NTM: variants seen among roughly 807,000 people sequenced by gnomAD.
The protein encoded by NTM is neurotrimin, also known as IgLON family member 2.
A neutral mutation model predicts 42.1 loss-of-function variants in NTM; 13 were observed. That is an observed-to-expected ratio of 0.31 (90% confidence interval 0.20 to 0.49). NTM has a LOEUF of 0.49. NTM is among the 20% of genes least tolerant of loss of function. The pLI is 0.99. For synonymous variants in NTM, 187 were observed against 179.2 expected (o/e 1.04, Z -0.35); for missense variants, 373 against 452.8 (o/e 0.82, Z 1.60).
chr11:131,831,817 G>A (rs978778669), intron 1 of NTM, among the ~76,000 whole-genome samples: 3 of 151,694 alleles, frequency 2.0e-5, no homozygotes, highest in Non-Finnish European at 2.9e-5. Context: ...TCTTTGACTA[G>A]GCCAGTGTTC....
chr11:132,017,197 A>G (rs571545191), intron 2 of NTM, among the ~76,000 whole-genome samples: 2 of 152,010 alleles, frequency 1.3e-5, no homozygotes, highest in African/African-American at 2.4e-5. Flanking sequence ...TTACTTTGAT[A>G]TCTAATAATT....
chr11:131,530,500 G>T (rs2136663131), intron 1 of NTM, among the ~76,000 whole-genome samples: 1 of 151,858 alleles, frequency 6.6e-6, no homozygotes, highest in Non-Finnish European at 1.5e-5. Flanking sequence ...AAAGGAGGGT[G>T]GGAAAAAGGA....
chr11:132,197,345 T>G (rs773861481), intron 3 of NTM, among the ~76,000 whole-genome samples: 7 of 152,172 alleles, frequency 4.6e-5, no homozygotes, highest in Non-Finnish European at 1.0e-4. Context: ...ATTCTATTAA[T>G]AGTTGGATTG....
chr11:132,255,212 C>G (rs1050720462), intron 4 of NTM, among the ~76,000 whole-genome samples: 13 of 152,192 alleles, frequency 8.5e-5, no homozygotes, highest in Admixed American at 2.6e-4. Context: ...TGAGTCTGAT[C>G]TCTTTCTACT....
At chr11:131,440,481 C>G (rs1279807087) in intron 1 of NTM, among the ~76,000 whole-genome samples, 2 of 151,992 alleles carry the variant, frequency 1.3e-5, no homozygotes, top group Non-Finnish European at 2.9e-5. Flanking sequence ...GCTTTATTAC[C>G]AAGTGGTTCT....
At chr11:131,459,453 T>A (rs935846663) in intron 1 of NTM, among the ~76,000 whole-genome samples, 1 of 152,208 alleles carries the variant, frequency 6.6e-6, no homozygotes, top group African/African-American at 2.4e-5. Flanking sequence ...TTATTATGAA[T>A]GTTCAGAATT....
chr11:132,283,420 C>A (rs1162182134), intron 4 of NTM, among the ~76,000 whole-genome samples: 1 of 152,110 alleles, frequency 6.6e-6, no homozygotes, highest in Non-Finnish European at 1.5e-5. Flanking sequence ...TAATTAGCAC[C>A]ACCTCTTGGA....
chr11:131,698,145 C>G (rs1258717994), intron 1 of NTM, among the ~76,000 whole-genome samples: 2 of 152,104 alleles, frequency 1.3e-5, no homozygotes, highest in Non-Finnish European at 1.5e-5. Context: ...TCTAATTCAA[C>G]TTTTAGAGGC....
intron 3 of NTM, among the ~76,000 whole-genome samples, chr11:132,203,485 C>T (rs1237105082): frequency 4.6e-5 from 7 of 152,158 alleles, no homozygotes; most frequent in Admixed American, 6.5e-5. Flanking sequence ...CTTAAAACCT[C>T]GGCTTCTGAT....
At chr11:132,254,597 A>C (rs2092311156) in intron 4 of NTM, among the ~76,000 whole-genome samples, 1 of 149,454 alleles carries the variant, frequency 6.7e-6, no homozygotes, top group East Asian at 2.0e-4. Flanking sequence ...ATTTTCTTTG[A>C]CCTCTTTGTA....
intron 1 of NTM, among the ~76,000 whole-genome samples, chr11:131,797,616 A>C (rs2091710748): frequency 6.6e-6 from 1 of 152,228 alleles, no homozygotes; most frequent in Non-Finnish European, 1.5e-5. Flanking sequence ...AAAAGTAATC[A>C]CACAAAGTAT....
intron 3 of NTM, among the ~76,000 whole-genome samples, chr11:132,171,553 C>T (rs916708100): frequency 1.3e-5 from 2 of 152,180 alleles, no homozygotes; most frequent in Non-Finnish European, 2.9e-5. Context: ...AATCACCTCG[C>T]AAGGCTCCAC....
intron 4 of NTM, among the ~76,000 whole-genome samples, chr11:132,230,816 G>A (rs2087390090): frequency 6.6e-6 from 1 of 152,202 alleles, no homozygotes; most frequent in South Asian, 2.1e-4. Context: ...AAGCCCAGGA[G>A]TTCGAGACCA....
At chr11:131,681,636 CGTGT>C (rs1180631017) in intron 1 of NTM, among the ~76,000 whole-genome samples, 1 of 42,456 alleles carries the variant, frequency 2.4e-5, no homozygotes, top group Admixed American at 3.4e-4. Context: ...TGTGTGTGAG[CGTGT>C]GTGTTTCTGT....
intron 1 of NTM, among the ~76,000 whole-genome samples, chr11:131,379,826 C>G (rs1420558712): frequency 6.6e-6 from 1 of 152,182 alleles, no homozygotes; most frequent in Non-Finnish European, 1.5e-5. Context: ...CATCCATTAA[C>G]AGAGTGCTGG....
At chr11:131,779,915 T>C (rs1422532269) in intron 1 of NTM, among the ~76,000 whole-genome samples, 1 of 152,102 alleles carries the variant, frequency 6.6e-6, no homozygotes, top group Non-Finnish European at 1.5e-5. Context: ...ACTCCAAGTG[T>C]CATCCAAGGG....
At chr11:131,606,903 G>A (rs1184466483) in intron 1 of NTM, among the ~76,000 whole-genome samples, 3 of 152,290 alleles carry the variant, frequency 2.0e-5, no homozygotes, top group South Asian at 2.1e-4. Context: ...ACCTCTAAAT[G>A]TATCTTTATC....
Position 132,336,307 on chromosome 11 carries a change from TGGTAA to T in NTM, c.*1162_*1166del, listed in dbSNP as rs2095871575. ...TCTTCTAAAAGATGATAGAGTTTAC[TGGTAA>T]TTGTGTAATCAGCTCCTGCCTTTTT... On this transcript the variant is annotated 3_prime_UTR_variant, in exon 9 of 9. Transcript: ENST00000683400. The T allele has an allele frequency of 6.6e-6, 1 of 152,462 alleles. No individual in the cohort carries two copies. The highest frequency in any genetic ancestry group is 1.5e-5 in the Non-Finnish European group (1 of 68,008). The allele number at this position is 152,462 out of a possible 1,614,324, so 9.4% of individuals were successfully genotyped here.
chr11:131,487,050 C>G (rs1326751832), intron 1 of NTM, among the ~76,000 whole-genome samples: 1 of 152,056 alleles, frequency 6.6e-6, no homozygotes, highest in East Asian at 1.9e-4. Flanking sequence ...CAATTTGAAA[C>G]CCCAGCAAAA....
Sources: gnomAD v4.1 joint callset for allele counts (sites outside exome capture counted in the v4.1 genomes callset) on GRCh38, gnomAD v4.1.1 for gene constraint, MANE v1.5 for transcripts, NCBI Gene and HGNC (gene_info 2026-07-23, HGNC 2026-07-21) for gene names.